COL18A1: variants seen among roughly 807,000 people sequenced by gnomAD.
COL18A1 encodes collagen alpha-1(XVIII) chain.
A neutral mutation model predicts 168.0 loss-of-function variants in COL18A1; 133 were observed. That is an observed-to-expected ratio of 0.79 (90% CI 0.69 to 0.91). COL18A1 has a LOEUF of 0.91. Among genes scored for constraint, COL18A1 ranks in the 40% least tolerant of loss-of-function variants. The pLI is 0.00. For missense variants in COL18A1, 2,126 were observed against 1,925.4 expected (o/e 1.10, Z -1.95); for synonymous variants, 949 against 809.0 (o/e 1.17, Z -2.94).
At chr21:45,491,596 G>A (rs1036405621) in intron 22 of COL18A1, among the ~76,000 whole-genome samples, 5 of 146,938 alleles carry the variant, frequency 3.4e-5, no homozygotes, top group African/African-American at 1.2e-4. Flanking sequence ...CACTCCCTGT[G>A]TCCTTGACAC....
At chr21:45,494,772 T>C in intron 27 of COL18A1, 90 bp from the exon 28 acceptor site, 4 of 1,320,222 alleles carry the variant, frequency 3.0e-6, no homozygotes, top group Non-Finnish European at 4.3e-6. Context: ...TGCTGTGCTC[T>C]GCATGGCCCC....
At position 45,497,713 on chromosome 21, in the gene COL18A1, G is replaced by A. The variant is rs759250610; in HGVS notation, c.2683+52G>A. 3.2e-6 allele frequency: 5 copies of A among 1,549,390 alleles called. No homozygotes were observed. In the South Asian group the frequency reaches 4.8e-5, roughly 15 times the overall value. On this transcript the variant is annotated intron_variant, in intron 32 of 41. Coordinates refer to ENST00000651438, the MANE Select transcript of COL18A1 (RefSeq NM_001379500.1). Reference sequence around the variant, plus strand: ...GGAGAGCCATGGCGTGGCCAGCACTGAAGTGTGGTCACACCTAGAGCCGCC... The same window carrying A: ...GGAGAGCCATGGCGTGGCCAGCACTAAAGTGTGGTCACACCTAGAGCCGCC...
chr21:45,505,317 T>C, intron 35 of COL18A1, 39 bp downstream of exon 35: 2 of 1,591,328 alleles, frequency 1.3e-6, no homozygotes, highest in African/African-American at 1.3e-5. Context: ...AGAGGCCGCC[T>C]CGTGTGGCTT....
intron 2 of COL18A1, chr21:45,407,256 C>CAAACTT: frequency 6.6e-6 from 1 of 152,390 alleles, no homozygotes; most frequent in Middle Eastern, 3.4e-3. Flanking sequence ...CAGTTGTTCT[C>CAAACTT]AAAACTTAAA....
chr21:45,471,828 A>G lies in COL18A1; in HGVS notation c.652-2067A>G, dbSNP rs1006321674. 6.6e-6 allele frequency among the ~76,000 whole-genome samples: 1 copy of G among 152,148 alleles called. No homozygotes were observed. The highest frequency in any genetic ancestry group is 1.5e-5 in the Non-Finnish European group (1 of 68,020). ...CATTTTACATGCTCTTCCCTCACAGAATTCCTGTGAGCTCTGTTTCAGGTG... is the reference window on the plus strand; with the variant it reads ...CATTTTACATGCTCTTCCCTCACAGGATTCCTGTGAGCTCTGTTTCAGGTG... On this transcript the variant is annotated intron_variant, in intron 3 of 41. Transcript: ENST00000651438. The surrounding 1 kb of genome is among the most constrained non-coding windows in gnomAD (Gnocchi z 4.4).
chr21:45,476,736 G>A (rs2035674257), intron 6 of COL18A1, among the ~76,000 whole-genome samples: 1 of 151,288 alleles, frequency 6.6e-6, no homozygotes, highest in African/African-American at 2.4e-5. Flanking sequence ...GTGCATGCAT[G>A]TGGGCATGTG....
intron 3 of COL18A1, among the ~76,000 whole-genome samples, chr21:45,470,926 C>CA (rs2035398904): frequency 1.4e-5 from 2 of 141,226 alleles, no homozygotes; most frequent in Admixed American, 7.2e-5. Flanking sequence ...GGGCTGGGGC[C>CA]CTGCTGGGCG....
intron 4 of COL18A1, among the ~76,000 whole-genome samples, chr21:45,474,274 T>C (rs2035550732): frequency 6.6e-6 from 1 of 151,766 alleles, no homozygotes; most frequent in South Asian, 2.1e-4. Flanking sequence ...TCTGTGTCTG[T>C]GTGGTGTGTC....
At chr21:45,504,095 T>C (rs376078514) in intron 33 of COL18A1, 41 bp downstream of exon 33, 22 of 1,601,824 alleles carry the variant, frequency 1.4e-5, no homozygotes, top group Non-Finnish European at 1.8e-5. Flanking sequence ...CCCAAGGTCC[T>C]GTACATCCCG....
chr21:45,511,765 G>C (rs1052468632), intron 41 of COL18A1, among the ~76,000 whole-genome samples: 3 of 152,336 alleles, frequency 2.0e-5, no homozygotes, highest in African/African-American at 7.2e-5. Flanking sequence ...GCCATCTGCT[G>C]TAACGGAGAT....
chr21:45,412,233 A>ATTTTTTTTTTT (rs1285919162), intron 2 of COL18A1, among the ~76,000 whole-genome samples: 1 of 96,122 alleles, frequency 1.0e-5, no homozygotes, highest in Non-Finnish European at 2.0e-5. Flanking sequence ...CTGGGGGTAT[A>ATTTTTTTTTTT]TTTCTTTTTT....
At chr21:45,469,391 C>T (rs917302605) in intron 3 of COL18A1, among the ~76,000 whole-genome samples, 9 of 152,230 alleles carry the variant, frequency 5.9e-5, no homozygotes, top group Non-Finnish European at 1.0e-4. Flanking sequence ...CCGCTGGGAC[C>T]AGGGGCTCAG....
At position 45,447,161 on chromosome 21, in the gene COL18A1, G is replaced by A. The variant is rs529857592; in HGVS notation, c.107-21081G>A. Among the ~76,000 whole-genome samples, 5 of 151,584 alleles carry A rather than the reference G, an allele frequency of 3.3e-5. No homozygotes were observed. In the South Asian group the frequency reaches 1.0e-3, roughly 32 times the overall value. On this transcript the variant is annotated intron_variant, in intron 2 of 41. Transcript: ENST00000651438. ...AATAAAAGACATCCAGATTGGAAAG[G>A]AACAAGTAAAACTGTATTTTTAGAG... is the stretch of plus-strand genomic sequence containing the variant.
At chr21:45,452,115 TCC>T in intron 2 of COL18A1, among the ~76,000 whole-genome samples, 1 of 152,348 alleles carries the variant, frequency 6.6e-6, no homozygotes, top group East Asian at 1.9e-4. Context: ...GAAACCCTGG[TCC>T]GCACTGCTCA....
intron 9 of COL18A1, among the ~76,000 whole-genome samples, chr21:45,479,650 A>T (rs931642660): frequency 1.3e-5 from 2 of 152,126 alleles, no homozygotes; most frequent in African/African-American, 4.8e-5. Context: ...GCTGTTGTGG[A>T]GGCCTTCGGG....
chr21:45,509,646 G>A (rs985730103), intron 39 of COL18A1, 45 bp downstream of exon 39: 4 of 1,005,004 alleles, frequency 4.0e-6, no homozygotes, highest in South Asian at 1.4e-5. Flanking sequence ...TAGCCCCTCG[G>A]CTCTCGGCAG....
At chr21:45,446,301 C>T (rs2034504560) in intron 2 of COL18A1, among the ~76,000 whole-genome samples, 1 of 152,220 alleles carries the variant, frequency 6.6e-6, no homozygotes, top group African/African-American at 2.4e-5. Context: ...GTCCTTGCGC[C>T]ACTCCCACAC....
At chr21:45,495,696 C>T (rs562709856) in intron 29 of COL18A1, 72 of 461,314 alleles carry the variant, frequency 1.6e-4, no homozygotes, top group African/African-American at 1.5e-3. Flanking sequence ...ACATACATGC[C>T]CATACACACG....
chr21:45,438,404 ACTCCAGGGCTGGGCAG>A (rs2034277432), intron 2 of COL18A1, among the ~76,000 whole-genome samples: 1 of 150,870 alleles, frequency 6.6e-6, no homozygotes, highest in Admixed American at 6.6e-5. Context: ...AGACCCTCAC[ACTCCAGGGCTGGGCAG>A]GGGACCCCGG....
Sources: gnomAD v4.1 joint callset for allele counts (sites outside exome capture counted in the v4.1 genomes callset) on GRCh38, gnomAD v4.1.1 for gene constraint, Gnocchi (gnomAD v3.1) non-coding constraint, MANE v1.5 for transcripts, NCBI Gene and HGNC (gene_info 2026-07-23, HGNC 2026-07-21) for gene names.